GTPBP10: variants seen among roughly 807,000 people sequenced by gnomAD.
GTPBP10 encodes GTP binding protein 10.
GTPBP10 carries 38 observed loss-of-function variants against 44.8 expected under a neutral mutation model. The ratio of observed to expected loss-of-function variants is 0.85; its 90% CI spans 0.65 to 1.11. The LOEUF (loss-of-function observed/expected upper bound fraction) is 1.11. Among genes scored for constraint, GTPBP10 ranks in the 50% most tolerant of loss-of-function variants. The probability of loss-of-function intolerance (pLI) is 0.00; values close to 1 mark genes in which losing one functional copy is unlikely to be tolerated. For missense variants in GTPBP10, 462 were observed against 453.7 expected, an observed-to-expected ratio of 1.02 and a Z score of -0.17; for synonymous variants, 152 against 150.6, an observed-to-expected ratio of 1.01 and a Z score of -0.07.
chr7:90,353,030 T>A (rs1307723267), intron 2 of GTPBP10, 21 bp downstream of exon 2: 1 of 1,478,318 alleles, frequency 6.8e-7, no homozygotes, highest in East Asian at 2.3e-5. Flanking sequence ...ACTGAATGAC[T>A]TAAATTTTAG....
chr7:90,371,193 C>T (rs1311071818), intron 4 of GTPBP10: 23 of 976,134 alleles, frequency 2.4e-5, no homozygotes, highest in Non-Finnish European at 2.8e-5. Flanking sequence ...TTCCACCACC[C>T]AGAGATGACT....
chr7:90,350,625 T>C (rs1022837347), intron 1 of GTPBP10, among the ~76,000 whole-genome samples: 1 of 152,238 alleles, frequency 6.6e-6, no homozygotes, highest in African/African-American at 2.4e-5. Context: ...TTAGTCTATG[T>C]TTTTAAAATA....
At chr7:90,373,642 T>C (rs1796298641) in intron 5 of GTPBP10, among the ~76,000 whole-genome samples, 1 of 151,826 alleles carries the variant, frequency 6.6e-6, no homozygotes, top group African/African-American at 2.4e-5. Context: ...AGGATAACAA[T>C]GAGAAGGAAC....
At chr7:90,363,984 A>G (rs569214121) in intron 4 of GTPBP10, among the ~76,000 whole-genome samples, 8 of 152,238 alleles carry the variant, frequency 5.3e-5, no homozygotes, top group Non-Finnish European at 8.8e-5. Flanking sequence ...TTGCAGCTCC[A>G]TCAGGTCATT....
chr7:90,367,702 A>G (rs938733250), intron 4 of GTPBP10, among the ~76,000 whole-genome samples: 1 of 152,134 alleles, frequency 6.6e-6, no homozygotes, highest in African/African-American at 2.4e-5. Flanking sequence ...TCTCCTGAGT[A>G]CAGTACACCA....
At position 90,372,155 on chromosome 7, in the gene GTPBP10, A is replaced by G. The variant is rs1194556229; in HGVS notation, c.465A>G (p.Gly155=). 3 of 1,590,990 alleles carry G rather than the reference A, an allele frequency of 1.9e-6. No homozygotes were observed. Among genetic ancestry groups the G allele is most frequent in the Non-Finnish European group, 2.6e-6 (3 of 1,163,084 alleles). Residue 155 remains glycine (G), a splice_region_variant and synonymous_variant, in exon 5 of 10, where the codon GGA becomes GGG. Transcript: ENST00000222511. ...LKLIADVGLV[G]FPNAGKSSLL... is the part of the protein sequence containing the mutation. Reference sequence around the variant, plus strand: ...GTATAATTTTATATTCTTGTTTCAGATTCCCAAATGCTGGAAAATCCTCTT... The same window carrying G: ...GTATAATTTTATATTCTTGTTTCAGGTTCCCAAATGCTGGAAAATCCTCTT...
rs372894414 is a variant in GTPBP10 at position 90,374,022 on chromosome 7, G to T, written c.539-280G>T. Among the ~76,000 whole-genome samples the T allele has an allele frequency of 4.7e-4, 72 of 152,190 alleles. No individual in the cohort carries two copies. The East Asian group carries it at 0.01, about 21-fold the overall frequency. On this transcript the variant is annotated intron_variant, in intron 5 of 9. Transcript: ENST00000222511. ...TCTGCCTAGTTTTACATTTTTTGTA[G>T]AAACAGGGTCTCACTATGCTGCCCA...
At chr7:90,382,816 C>T (rs1339268416) in intron 8 of GTPBP10, 140 bp from the exon 9 acceptor site, 3 of 486,482 alleles carry the variant, frequency 6.2e-6, no homozygotes, top group African/African-American at 5.9e-5. Context: ...GAAATTCTTC[C>T]TTTTGTTTTC....
chr7:90,367,103 G>T (rs919650719), intron 4 of GTPBP10, among the ~76,000 whole-genome samples: 1 of 152,148 alleles, frequency 6.6e-6, no homozygotes, highest in African/African-American at 2.4e-5. Flanking sequence ...GGTTTTGAGC[G>T]AGTTTCTTAA....
At chr7:90,380,065 G>T (rs1014522688) in intron 8 of GTPBP10, among the ~76,000 whole-genome samples, 2 of 147,810 alleles carry the variant, frequency 1.4e-5, no homozygotes, top group Admixed American at 6.7e-5. Flanking sequence ...TTGGAAATAA[G>T]TCCCTTCTCT....
chr7:90,373,612 C>T (rs1014348760), intron 5 of GTPBP10, among the ~76,000 whole-genome samples: 2 of 151,932 alleles, frequency 1.3e-5, no homozygotes, highest in Non-Finnish European at 2.9e-5. Context: ...AAGAGGCTAG[C>T]GTAGGATTGA....
At chr7:90,361,583 T>C (rs200674321) in intron 4 of GTPBP10, among the ~76,000 whole-genome samples, 6 of 152,200 alleles carry the variant, frequency 3.9e-5, no homozygotes, top group Non-Finnish European at 2.9e-5. Flanking sequence ...GGGATATTGG[T>C]CTAAAATTCT....
intron 4 of GTPBP10, among the ~76,000 whole-genome samples, chr7:90,368,598 G>T (rs1389810025): frequency 6.6e-6 from 1 of 152,030 alleles, no homozygotes; most frequent in Admixed American, 6.5e-5. Flanking sequence ...ATTGAAGCTT[G>T]TGCGTGCGTC....
At chr7:90,348,525 A>G (rs927467426) in intron 1 of GTPBP10, among the ~76,000 whole-genome samples, 3 of 151,076 alleles carry the variant, frequency 2.0e-5, no homozygotes, top group Middle Eastern at 3.2e-3. Flanking sequence ...TGTTCATTAA[A>G]TGGAAGTGAA....
intron 1 of GTPBP10, chr7:90,347,620 C>G (rs1174506046): frequency 3.5e-6 from 1 of 281,906 alleles, no homozygotes; most frequent in South Asian, 1.4e-4. Flanking sequence ...GAGGTTAATA[C>G]GTAAGTCCTT....
Position 90,389,405 on chromosome 7 carries a change from C to G in GTPBP10, c.*4251C>G, listed in dbSNP as rs944092614. ...AATTTGAATTTTTTTTTTTCCCCCC[C>G]CAGACGGAGTCTCGCTCTCTTGCCA... is the stretch of plus-strand genomic sequence containing the variant. On this transcript the variant is annotated 3_prime_UTR_variant, in exon 10 of 10. Coordinates refer to ENST00000222511, the MANE Select transcript of GTPBP10 (RefSeq NM_033107.4). 2 of 151,064 alleles carry G rather than the reference C, an allele frequency of 1.3e-5. No homozygotes were observed. Among genetic ancestry groups the G allele is most frequent in the African/African-American group, 4.9e-5 (2 of 40,782 alleles). The allele number at this position is 151,064 out of a possible 1,614,324, so 9.4% of individuals were successfully genotyped here.
intron 9 of GTPBP10, among the ~76,000 whole-genome samples, chr7:90,384,595 C>CA (rs947363109): frequency 6.5e-5 from 9 of 138,684 alleles, no homozygotes; most frequent in African/African-American, 1.9e-4. Context: ...CCTTATTTAA[C>CA]CCCCCCCACA....
At chr7:90,373,017 A>G (rs537978595) in intron 5 of GTPBP10, among the ~76,000 whole-genome samples, 10 of 152,260 alleles carry the variant, frequency 6.6e-5, no homozygotes, top group African/African-American at 2.4e-4. Context: ...TTGGACTGGG[A>G]TATGAGGAAT....
chr7:90,351,258 G>GT (rs1466195251), intron 1 of GTPBP10, among the ~76,000 whole-genome samples: 1 of 152,160 alleles, frequency 6.6e-6, no homozygotes, highest in Non-Finnish European at 1.5e-5. Flanking sequence ...AAGTGTGTGT[G>GT]TAAGTTTTGA....
Sources: allele counts gnomAD v4.1 joint callset (sites outside exome capture counted in the v4.1 genomes callset), GRCh38; gene constraint gnomAD v4.1.1; transcripts MANE v1.5; gene names NCBI Gene and HGNC (gene_info 2026-07-23, HGNC 2026-07-21).